The following ST6GALNAC1 variants were observed in gnomAD, a reference collection of about 807,000 sequenced individuals.
The protein encoded by ST6GALNAC1 is ST6 N-acetylgalactosaminide alpha-2,6-sialyltransferase 1, also known as alpha-N-acetylgalactosaminide alpha-2,6-sialyltransferase 1.
In ST6GALNAC1, 45 loss-of-function variants were observed where a neutral mutation model predicts 56.8. The observed-to-expected ratio is 0.79, with a 90% confidence interval of 0.62 to 1.02. The LOEUF (loss-of-function observed/expected upper bound fraction) is 1.02. Among genes scored for constraint, ST6GALNAC1 ranks in the 50% least tolerant of loss-of-function variants. The probability of loss-of-function intolerance (pLI) is 0.00; values close to 1 mark genes in which losing one functional copy is unlikely to be tolerated. For synonymous variants in ST6GALNAC1, 295 were observed against 297.8 expected (o/e 0.99, Z 0.10); for missense variants, 743 against 754.8 (o/e 0.98, Z 0.18).
At chr17:76,633,259 C>T (rs1408511947) in intron 1 of ST6GALNAC1, among the ~76,000 whole-genome samples, 1 of 151,958 alleles carries the variant, frequency 6.6e-6, no homozygotes, top group Non-Finnish European at 1.5e-5. Context: ...GCCTGTAATC[C>T]CAGCACTTTG....
chr17:76,642,922 CAAAA>C (rs59053510), intron 1 of ST6GALNAC1, among the ~76,000 whole-genome samples: 16 of 87,216 alleles, frequency 1.8e-4, no homozygotes, highest in African/African-American at 6.5e-4. Flanking sequence ...GACTCCGTCT[CAAAA>C]AAAAAAAAAA....
At chr17:76,642,683 C>A (rs575292435) in intron 1 of ST6GALNAC1, among the ~76,000 whole-genome samples, 4 of 152,144 alleles carry the variant, frequency 2.6e-5, no homozygotes, top group African/African-American at 9.7e-5. Flanking sequence ...GTCATCCCAG[C>A]GCTTTGGGAG....
chr17:76,617,888 TG>T, the ST6GALNAC1 span, among the ~76,000 whole-genome samples: 1 of 152,014 alleles, frequency 6.6e-6, no homozygotes, highest in Non-Finnish European at 1.5e-5. Context: ...TTAAGAAAAA[TG>T]TAGAATGTTG....
chr17:76,643,567 C>A lies in ST6GALNAC1; in HGVS notation c.72G>T (p.Leu24=), dbSNP rs767469565. ...GVQWSLLLAV[L]VFFLFALPSF... Reference sequence around the variant, plus strand: ...AGGGCAAGGCGAAGAGAAAGAAGACCAGGACAGCCAGAAGCAAGGACCACT... The same window carrying A: ...AGGGCAAGGCGAAGAGAAAGAAGACAAGGACAGCCAGAAGCAAGGACCACT... Residue 24 remains leucine (L), a synonymous_variant, in exon 1 of 9, where the codon CTG becomes CTT. Transcript: ENST00000156626. The A allele has an allele frequency of 1.2e-6, 2 of 1,614,084 alleles. No homozygotes were observed. Among genetic ancestry groups the A allele is most frequent in the East Asian group, 4.5e-5 (2 of 44,882 alleles).
intron 2 of ST6GALNAC1, among the ~76,000 whole-genome samples, chr17:76,628,771 C>G (rs573512081): frequency 6.6e-6 from 1 of 152,212 alleles, no homozygotes; most frequent in African/African-American, 2.4e-5. Context: ...ACCCCTCTTA[C>G]GCTGTCCACA....
At chr17:76,630,401 C>A (rs756478733) in intron 1 of ST6GALNAC1, among the ~76,000 whole-genome samples, 1 of 152,098 alleles carries the variant, frequency 6.6e-6, no homozygotes, top group Non-Finnish European at 1.5e-5. Context: ...TGCAGCTGAC[C>A]CTGGGTGGTA....
At chr17:76,623,287 G>T (rs184612365), downstream of ST6GALNAC1, among the ~76,000 whole-genome samples, 1 of 152,110 alleles carries the variant, frequency 6.6e-6, no homozygotes, top group African/African-American at 2.4e-5. Flanking sequence ...TGAATATTTG[G>T]TAGAGGTAGA....
intron 5 of ST6GALNAC1, 56 bp downstream of exon 5, chr17:76,626,595 C>T (rs1258450333): frequency 6.8e-6 from 11 of 1,610,642 alleles, no homozygotes; most frequent in Non-Finnish European, 8.5e-6. Context: ...CTTCTCACCT[C>T]CTGTGCTCCC....
At position 76,625,088 on chromosome 17, in the gene ST6GALNAC1, A is replaced by G; in HGVS notation, c.*242T>C. ...GGAATTGTGGTATTGGCCACCCATC[A>G]CCCCATTTAATTAAAAATCCCTGGC... On this transcript the variant is annotated 3_prime_UTR_variant, in exon 9 of 9. Transcript: ENST00000156626. The G allele has an allele frequency of 1.9e-6, 1 of 539,698 alleles. No homozygotes were observed. The highest frequency in any genetic ancestry group is 2.6e-5 in the South Asian group (1 of 38,646). The allele number at this position is 539,698 out of a possible 1,614,324, so 33.4% of individuals were successfully genotyped here. A position where few individuals can be genotyped will look rare whatever the true frequency, so the allele number is the denominator to read the frequency against.
downstream of ST6GALNAC1, among the ~76,000 whole-genome samples, chr17:76,621,261 C>A (rs1161347475): frequency 2.1e-5 from 3 of 144,616 alleles, no homozygotes; most frequent in African/African-American, 7.7e-5. Context: ...GGGCTCACTG[C>A]AACCTCCGCC....
intron 1 of ST6GALNAC1, among the ~76,000 whole-genome samples, chr17:76,634,080 C>T (rs1229947966): frequency 6.6e-6 from 1 of 152,158 alleles, no homozygotes; most frequent in Non-Finnish European, 1.5e-5. Flanking sequence ...TCCTTTGATT[C>T]GCTAAATAAT....
chr17:76,625,213 C>A lies in ST6GALNAC1; in HGVS notation c.*117G>T. On this transcript the variant is annotated 3_prime_UTR_variant, in exon 9 of 9. Coordinates refer to ENST00000156626, the MANE Select transcript of ST6GALNAC1 (RefSeq NM_018414.5). ...CCATGGTTCAAGTGTTCCCTTGGAA[C>A]TCCTGAAGGGCTTGGAGCTTAGTCT... The A allele has an allele frequency of 9.2e-7, 1 of 1,087,012 alleles. No homozygotes were observed. The highest frequency in any genetic ancestry group is 1.3e-6 in the Non-Finnish European group (1 of 764,896). 67.3% of individuals were successfully genotyped at this position (1,087,012 alleles called of 1,614,324 possible).
chr17:76,637,240 C>G (rs376039855), intron 1 of ST6GALNAC1, among the ~76,000 whole-genome samples: 3,899 of 138,784 alleles, frequency 0.028, 82 homozygotes, highest in Middle Eastern at 0.061. Context: ...ATCCCCCTCT[C>G]CGAGAAACAC....
rs1236780388 is a variant in ST6GALNAC1 at position 76,627,662 on chromosome 17, G to A, written c.832-79C>T. On this transcript the variant is annotated intron_variant, in intron 2 of 8. Coordinates refer to ENST00000156626, the MANE Select transcript of ST6GALNAC1 (RefSeq NM_018414.5). The surrounding 1 kb of genome is among the most constrained non-coding windows in gnomAD (Gnocchi z 4.4). Reference sequence around the variant, plus strand: ...CAGGGGCTGCACCACTGCAGCAAGGGCTGGGGCTCGCAGTTTGGAAGGCGC... The same window carrying A: ...CAGGGGCTGCACCACTGCAGCAAGGACTGGGGCTCGCAGTTTGGAAGGCGC... The A allele has an allele frequency of 7.2e-7, 1 of 1,396,058 alleles. No homozygotes were observed. The highest frequency in any genetic ancestry group is 2.0e-5 in the Admixed American group (1 of 51,250). 86.5% of individuals were successfully genotyped at this position (1,396,058 alleles called of 1,614,324 possible).
downstream of ST6GALNAC1, among the ~76,000 whole-genome samples, chr17:76,620,387 T>G (rs1011389071): frequency 6.6e-6 from 1 of 152,164 alleles, no homozygotes; most frequent in African/African-American, 2.4e-5. Flanking sequence ...TTTAGTATTT[T>G]TCCCCATCCT....
chr17:76,643,642 G>C lies in ST6GALNAC1; in HGVS notation c.-4C>G. On this transcript the variant is annotated 5_prime_UTR_variant, in exon 1 of 9. Coordinates refer to ENST00000156626, the MANE Select transcript of ST6GALNAC1 (RefSeq NM_018414.5). ...ATCTCCACAGGCAGGACCTCATGGTGGTGGGTCGGGTTCTAGAGGAAGGTT... is the reference window on the plus strand; with the variant it reads ...ATCTCCACAGGCAGGACCTCATGGTCGTGGGTCGGGTTCTAGAGGAAGGTT... 1.2e-6 allele frequency: 2 copies of C among 1,613,628 alleles called. No homozygotes were observed. The highest frequency in any genetic ancestry group is 8.5e-7 in the Non-Finnish European group (1 of 1,179,758).
At chr17:76,637,865 T>C (rs2075998317) in intron 1 of ST6GALNAC1, 1 of 391,572 alleles carries the variant, frequency 2.6e-6, no homozygotes. Flanking sequence ...AGAGTCTCAC[T>C]CTGTCGTCCA....
rs371131760 is a variant in ST6GALNAC1, at chr17:76,629,517, G to A, written c.326C>T (p.Pro109Leu). 42 of 1,613,804 alleles carry A rather than the reference G, an allele frequency of 2.6e-5. No individual in the cohort carries two copies. The highest frequency in any genetic ancestry group is 1.7e-4 in the African/African-American group (13 of 74,816). ...GTGGGGCACCTTGTCCTGCTCCTCCGGCGGTGCCTGGTTGGCCTCCTTTCC... is the reference window on the plus strand; with the variant it reads ...GTGGGGCACCTTGTCCTGCTCCTCCAGCGGTGCCTGGTTGGCCTCCTTTCC... ...DRGKEANQAP[P>L]EEQDKVPHTA... The change falls in exon 2 of 9, where the codon CCG becomes CTG. Residue 109 changes from proline to leucine, a missense_variant. Physicochemically the swap from Pro to Leu is moderately conservative, Grantham distance 98. Transcript: ENST00000156626.
chr17:76,632,430 G>A (rs2143454386), intron 1 of ST6GALNAC1, among the ~76,000 whole-genome samples: 1 of 152,154 alleles, frequency 6.6e-6, no homozygotes, highest in Non-Finnish European at 1.5e-5. Context: ...AAGAGGTAAT[G>A]CACTCCTCTC....
Sources: gnomAD v4.1 joint callset for allele counts (sites outside exome capture counted in the v4.1 genomes callset) on GRCh38, gnomAD v4.1.1 for gene constraint, Gnocchi (gnomAD v3.1) non-coding constraint, MANE v1.5 for transcripts, NCBI Gene and HGNC (gene_info 2026-07-23, HGNC 2026-07-21) for gene names.